The following PRRG4 variants were observed in gnomAD, a reference collection of about 807,000 sequenced individuals.
PRRG4 encodes transmembrane gamma-carboxyglutamic acid protein 4.
PRRG4 carries 12 observed loss-of-function variants against 20.0 expected under a neutral mutation model. That is an observed-to-expected ratio of 0.60 (90% CI 0.38 to 0.97). The LOEUF (loss-of-function observed/expected upper bound fraction) is 0.97. Ranked by LOEUF, PRRG4 falls within the 50% of genes least tolerant of loss-of-function variation. The pLI, the probability that PRRG4 is intolerant of heterozygous loss-of-function variation, is 0.00. For missense variants in PRRG4, 199 were observed against 265.1 expected (o/e 0.75, Z 1.73); for synonymous variants, 94 against 96.4 (o/e 0.98, Z 0.15).
Position 32,853,335 on chromosome 11 carries a change from C to T in PRRG4, c.489C>T (p.Ser163=). 6.2e-7 allele frequency: 1 copy of T among 1,614,076 alleles called. No individual in the cohort carries two copies. The highest frequency in any genetic ancestry group is 8.5e-7 in the Non-Finnish European group (1 of 1,179,970). Reference sequence around the variant, plus strand: ...ATGAAAGGGGGAGGCACACTCCCTCCATCATTTTCAGAAGACCTGAGGAGG... The same window carrying T: ...ATGAAAGGGGGAGGCACACTCCCTCTATCATTTTCAGAAGACCTGAGGAGG... ...AVYERGRHTP[S]IIFRRPEEAA... Residue 163 remains serine (S), a synonymous_variant, in exon 6 of 6, where the codon TCC becomes TCT. Coordinates refer to ENST00000257836, the MANE Select transcript of PRRG4 (RefSeq NM_024081.6).
rs1416631301 is a variant in PRRG4, at chr11:32,856,406, A to C, written c.*2879A>C. On this transcript the variant is annotated 3_prime_UTR_variant, in exon 6 of 6. Transcript: ENST00000257836. ...AGATCATGATACTTTAAATATAAAA[A>C]GGAAAATATGATAGAACTGTTATTG... 6.6e-6 allele frequency: 1 copy of C among 152,256 alleles called. No individual in the cohort carries two copies. Among genetic ancestry groups the C allele is most frequent in the Non-Finnish European group, 1.5e-5 (1 of 68,046 alleles). 9.4% of individuals were successfully genotyped at this position (152,256 alleles called of 1,614,324 possible).
chr11:32,835,238 G>A (rs1851010112), intron 2 of PRRG4, among the ~76,000 whole-genome samples: 1 of 152,218 alleles, frequency 6.6e-6, no homozygotes, highest in Non-Finnish European at 1.5e-5. Context: ...GACAAAATGT[G>A]ACTGTTCTCA....
Position 32,858,030 on chromosome 11 carries a change from A to G in PRRG4, c.*4503A>G, listed in dbSNP as rs894857964. 2 of 152,050 alleles carry G rather than the reference A, an allele frequency of 1.3e-5. No homozygotes were observed. Among genetic ancestry groups the G allele is most frequent in the Admixed American group, 6.6e-5 (1 of 15,258 alleles). 9.4% of individuals were successfully genotyped at this position (152,050 alleles called of 1,614,324 possible). A position where few individuals can be genotyped will look rare whatever the true frequency, so the allele number is the denominator to read the frequency against. ...AAAGCAACCCATTTTCTAAATTCAT[A>G]TTTTTCCTAAAACTTTACTATGTTT... On this transcript the variant is annotated 3_prime_UTR_variant, in exon 6 of 6. Transcript: ENST00000257836.
chr11:32,830,451 C>T (rs1850957025), intron 1 of PRRG4, 57 bp from the exon 2 acceptor site: 3 of 1,260,038 alleles, frequency 2.4e-6, no homozygotes, highest in Non-Finnish European at 3.2e-6. Context: ...TCGACAGAAA[C>T]TCAAAGTGCT....
intron 5 of PRRG4, among the ~76,000 whole-genome samples, chr11:32,842,445 G>T (rs757403288): frequency 5.3e-5 from 8 of 152,112 alleles, no homozygotes; most frequent in Non-Finnish European, 8.8e-5. Flanking sequence ...GCTTGGCTGG[G>T]AGCAGTGGCT....
At chr11:32,831,690 A>G (rs935921897) in intron 2 of PRRG4, among the ~76,000 whole-genome samples, 2 of 152,166 alleles carry the variant, frequency 1.3e-5, no homozygotes, top group Non-Finnish European at 2.9e-5. Flanking sequence ...CCCTAAAATG[A>G]TTGTGAGTGC....
chr11:32,855,984 G>A lies in PRRG4; in HGVS notation c.*2457G>A, dbSNP rs564212520. On this transcript the variant is annotated 3_prime_UTR_variant, in exon 6 of 6. Coordinates refer to ENST00000257836, the MANE Select transcript of PRRG4 (RefSeq NM_024081.6). ...CATGCCTATAAAATTACACTGCCTC[G>A]AATTATGAAATTCAGGGATCTTGTA... is the stretch of plus-strand genomic sequence containing the variant. 6.6e-6 allele frequency: 1 copy of A among 152,176 alleles called. No individual in the cohort carries two copies. The highest frequency in any genetic ancestry group is 2.1e-4 in the South Asian group (1 of 4,814). 9.4% of individuals were successfully genotyped at this position (152,176 alleles called of 1,614,324 possible). A position where few individuals can be genotyped will look rare whatever the true frequency, so the allele number is the denominator to read the frequency against.
chr11:32,849,229 G>A (rs1851159206), intron 5 of PRRG4, among the ~76,000 whole-genome samples: 1 of 152,000 alleles, frequency 6.6e-6, no homozygotes, highest in Non-Finnish European at 1.5e-5. Flanking sequence ...GTATGGTGGT[G>A]CATGCCTGTA....
chr11:32,842,090 C>T (rs10488703), intron 5 of PRRG4, among the ~76,000 whole-genome samples: 30,750 of 152,038 alleles, frequency 0.2, 3,412 homozygotes, highest in East Asian at 0.54. Flanking sequence ...CTATAAGAAA[C>T]TGGAAGACTT....
At chr11:32,845,142 A>G (rs1565116178) in intron 5 of PRRG4, among the ~76,000 whole-genome samples, 2 of 152,214 alleles carry the variant, frequency 1.3e-5, no homozygotes, top group African/African-American at 4.8e-5. Context: ...AGCTGTATTT[A>G]TAACCATCTT....
chr11:32,838,144 A>G (rs1024122301), intron 3 of PRRG4, among the ~76,000 whole-genome samples: 56 of 152,070 alleles, frequency 3.7e-4, no homozygotes, highest in Admixed American at 3.9e-4. Flanking sequence ...TGTCTTCCCA[A>G]ATCAATAAAT....
Position 32,840,245 on chromosome 11 carries a change from T to A in PRRG4, c.449+6T>A. The A allele has an allele frequency of 6.3e-7, 1 of 1,576,566 alleles. No homozygotes were observed. Among genetic ancestry groups the A allele is most frequent in the Non-Finnish European group, 8.7e-7 (1 of 1,151,030 alleles). ...AATAGGCTACAACATCCATGGTAAG[T>A]ACTAAGTGAAATTATTTAATTCATC... is the stretch of plus-strand genomic sequence containing the variant. On this transcript the variant is annotated splice_donor_region_variant and intron_variant, in intron 5 of 5. Coordinates refer to ENST00000257836, the MANE Select transcript of PRRG4 (RefSeq NM_024081.6). This position sits in a 1 kb window ranked among gnomAD's most constrained non-coding sequence, Gnocchi z 4.1.
At chr11:32,844,694 T>C (rs1851112193) in intron 5 of PRRG4, among the ~76,000 whole-genome samples, 1 of 151,896 alleles carries the variant, frequency 6.6e-6, no homozygotes, top group East Asian at 1.9e-4. Context: ...AGAGACGAGG[T>C]TTCACCATGT....
At position 32,853,375 on chromosome 11, in the gene PRRG4, T is replaced by C. The variant is rs371012266; in HGVS notation, c.529T>C (p.Leu177=). Residue 177 remains leucine, a synonymous_variant, in exon 6 of 6, where the codon TTG becomes CTG. Coordinates refer to ENST00000257836, the MANE Select transcript of PRRG4 (RefSeq NM_024081.6). ...RRPEEAALSP[L]PPSVEDAGLP... is the part of the protein sequence containing the mutation. ...ACCTGAGGAGGCTGCCTTGTCTCCATTGCCGCCTTCTGTGGAGGATGCAGG... is the reference window on the plus strand; with the variant it reads ...ACCTGAGGAGGCTGCCTTGTCTCCACTGCCGCCTTCTGTGGAGGATGCAGG... 6.1e-5 allele frequency: 98 copies of C among 1,614,080 alleles called. No homozygotes were observed. The East Asian group carries it at 1.8e-3, about 29-fold the overall frequency.
chr11:32,838,054 T>C (rs761285), intron 3 of PRRG4, among the ~76,000 whole-genome samples: 136,218 of 152,244 alleles, frequency 0.89, 61,226 homozygotes, highest in East Asian at 0.99. Context: ...TTTTCACAAA[T>C]CTTTTATAAT....
At chr11:32,832,593 G>C (rs1463424201) in intron 2 of PRRG4, among the ~76,000 whole-genome samples, 1 of 147,332 alleles carries the variant, frequency 6.8e-6, no homozygotes. Flanking sequence ...CAATTCTCCT[G>C]CTTCAGCCTC....
In PRRG4 at chr11:32,839,048, G is replaced by A. The variant is rs965513312; in HGVS notation, c.316+118G>A. ...AACATACATACCTTATAAATCCAAGGAGATTTCTCAACTATGCACCGGGCT... is the reference window on the plus strand; with the variant it reads ...AACATACATACCTTATAAATCCAAGAAGATTTCTCAACTATGCACCGGGCT... On this transcript the variant is annotated intron_variant, in intron 4 of 5. Transcript: ENST00000257836. 4.3e-6 allele frequency: 3 copies of A among 697,986 alleles called. No homozygotes were observed. In the African/African-American group the frequency reaches 5.4e-5, roughly 12 times the overall value. The allele number at this position is 697,986 out of a possible 1,614,324, so 43.2% of individuals were successfully genotyped here.
chr11:32,836,935 C>A, intron 3 of PRRG4, 114 bp downstream of exon 3: 1 of 761,046 alleles, frequency 1.3e-6, no homozygotes, highest in Non-Finnish European at 2.1e-6. Context: ...TATGTACCTG[C>A]TATCTCTTTC....
intron 5 of PRRG4, among the ~76,000 whole-genome samples, chr11:32,852,102 A>T (rs568601019): frequency 2.2e-4 from 34 of 151,670 alleles, no homozygotes; most frequent in South Asian, 1.0e-3. Flanking sequence ...TAAGCCATAT[A>T]TTTTTTTTTA....
Sources: gnomAD v4.1 joint callset for allele counts (sites outside exome capture counted in the v4.1 genomes callset) on GRCh38, gnomAD v4.1.1 for gene constraint, Gnocchi (gnomAD v3.1) non-coding constraint, MANE v1.5 for transcripts, NCBI Gene and HGNC (gene_info 2026-07-23, HGNC 2026-07-21) for gene names.